Variants in PDE10A observed in about 807,000 individuals in gnomAD.
PDE10A encodes phosphodiesterase 10A.
Under a neutral mutation model 97.7 loss-of-function variants are expected in PDE10A, and 39 were observed. The observed-to-expected ratio is 0.40, with a 90% CI of 0.31 to 0.52. The LOEUF (loss-of-function observed/expected upper bound fraction) is 0.52, where lower values mean the gene tolerates loss of function less well. PDE10A is among the 20% of genes least tolerant of loss of function. The pLI, the probability that PDE10A is intolerant of heterozygous loss-of-function variation, is 0.56. For synonymous variants in PDE10A, 371 were observed against 376.8 expected, an observed-to-expected ratio of 0.98 and a Z score of 0.18; for missense variants, 731 against 1,047.8, an observed-to-expected ratio of 0.70 and a Z score of 4.17.
intron 1 of PDE10A, among the ~76,000 whole-genome samples, chr6:165,761,937 A>G (rs1437292255): frequency 6.6e-6 from 1 of 152,242 alleles, no homozygotes; most frequent in Non-Finnish European, 1.5e-5. Flanking sequence ...CTATTGTCCC[A>G]TAGAACTGAT....
At chr6:165,462,375 G>C (rs957797734) in intron 3 of PDE10A, among the ~76,000 whole-genome samples, 1 of 152,164 alleles carries the variant, frequency 6.6e-6, no homozygotes, top group African/African-American at 2.4e-5. Flanking sequence ...ACAGAAACCA[G>C]ATGCAAAGAC....
At chr6:165,404,121 T>A (rs1352785643) in intron 13 of PDE10A, among the ~76,000 whole-genome samples, 1 of 152,146 alleles carries the variant, frequency 6.6e-6, no homozygotes, top group African/African-American at 2.4e-5. Context: ...GATACCTCAG[T>A]CACACCGATA....
chr6:165,658,497 G>T (rs1269782246), intron 1 of PDE10A, among the ~76,000 whole-genome samples: 1 of 152,144 alleles, frequency 6.6e-6, no homozygotes, highest in South Asian at 2.1e-4. Context: ...ACAGAGAGAG[G>T]TGCGGGCGTA....
chr6:165,725,520 G>A (rs1032243087), intron 1 of PDE10A, among the ~76,000 whole-genome samples: 3 of 152,192 alleles, frequency 2.0e-5, no homozygotes, highest in African/African-American at 7.2e-5. Flanking sequence ...GGGGGATAAG[G>A]GAACTTTTCC....
intron 1 of PDE10A, among the ~76,000 whole-genome samples, chr6:165,555,045 G>T (rs1488241238): frequency 6.6e-6 from 1 of 152,132 alleles, no homozygotes; most frequent in Admixed American, 6.5e-5. Flanking sequence ...GGGCTAGGAG[G>T]AGGTAGGAAT....
At chr6:165,811,977 C>T (rs924806589) in intron 1 of PDE10A, among the ~76,000 whole-genome samples, 2 of 152,096 alleles carry the variant, frequency 1.3e-5, no homozygotes, top group African/African-American at 2.4e-5. Context: ...CCTAGCCTCC[C>T]GAGTAGCTGG....
chr6:165,427,886 C>T (rs1221669136), intron 10 of PDE10A, among the ~76,000 whole-genome samples: 4 of 151,994 alleles, frequency 2.6e-5, no homozygotes, highest in Non-Finnish European at 5.9e-5. Context: ...TAACTTATCA[C>T]ATAAAGAATG....
chr6:165,663,066 C>T lies in PDE10A; in HGVS notation c.-255G>A, dbSNP rs1435548480. On this transcript the variant is annotated 5_prime_UTR_variant, in exon 1 of 22. Transcript: ENST00000539869. ...CTGGCTACCCTCAGGCGCGCACAAT[C>T]GGCGTCCTCCCGGGCCGGGGCTAGG... Among the ~76,000 whole-genome samples the T allele has an allele frequency of 6.6e-6, 1 of 151,140 alleles. No homozygotes were observed. Among genetic ancestry groups the T allele is most frequent in the African/African-American group, 2.4e-5 (1 of 41,188 alleles).
At chr6:165,634,513 A>G (rs559161413) in intron 1 of PDE10A, among the ~76,000 whole-genome samples, 1 of 152,348 alleles carries the variant, frequency 6.6e-6, no homozygotes, top group Non-Finnish European at 1.5e-5. Flanking sequence ...AACATTTAAG[A>G]AAGTTTTCAA....
At chr6:165,987,095 C>T (rs1198608006) in intron 1 of PDE10A, among the ~76,000 whole-genome samples, 2 of 152,070 alleles carry the variant, frequency 1.3e-5, no homozygotes, top group African/African-American at 4.8e-5. Context: ...GTGCACACAC[C>T]ATCCCTTCTC....
In PDE10A at chr6:165,886,168, G is replaced by A. The variant is rs560329589; in HGVS notation, c.-615+101361C>T. On this transcript the variant is annotated intron_variant, in intron 1 of 19. Coordinates refer to the PDE10A transcript ENST00000366882. The stretch of plus-strand genomic sequence containing the variant: ...TATGGGCATAGCTGAATTTATTAGG[G>A]ATGTTATAGGTGGAATGTGGATTCC... Among the ~76,000 whole-genome samples the A allele has an allele frequency of 5.9e-5, 9 of 152,292 alleles. 1 individual carries two copies. In the South Asian group the frequency reaches 1.5e-3, roughly 25 times the overall value.
chr6:165,692,519 G>A (rs1013630168), intron 1 of PDE10A, among the ~76,000 whole-genome samples: 1 of 152,146 alleles, frequency 6.6e-6, no homozygotes, highest in African/African-American at 2.4e-5. Flanking sequence ...TGTCCACATT[G>A]GGCCCATTTT....
chr6:165,823,182 C>G (rs1045440629), intron 1 of PDE10A, among the ~76,000 whole-genome samples: 1 of 151,866 alleles, frequency 6.6e-6, no homozygotes, highest in African/African-American at 2.4e-5. Flanking sequence ...GGTCCAAACA[C>G]TTAGCTTAAA....
In PDE10A at chr6:165,709,412, T is replaced by C. The variant is rs1162579622; in HGVS notation, c.-614-165844A>G. Among the ~76,000 whole-genome samples, 8 of 92,276 alleles carry C rather than the reference T, an allele frequency of 8.7e-5. No homozygotes were observed. The East Asian group carries it at 1.7e-3, about 20-fold the overall frequency. The allele number at this position is 92,276 out of a possible 152,430, so 60.5% of individuals were successfully genotyped here. A position where few individuals can be genotyped will look rare whatever the true frequency, so the allele number is the denominator to read the frequency against. ...CACCATGCTGCCGCGCTCCCTCCAC[T>C]CTCCACCCCCATGTTGTCATGCTCC... On this transcript the variant is annotated intron_variant, in intron 1 of 19. Transcript: ENST00000366882.
At chr6:165,735,300 T>G (rs1212918313) in intron 1 of PDE10A, among the ~76,000 whole-genome samples, 2 of 148,806 alleles carry the variant, frequency 1.3e-5, no homozygotes, top group Admixed American at 6.6e-5. Context: ...GTAGGTAGGT[T>G]GGTAGATAGA....
intron 4 of PDE10A, 96 bp from the exon 5 acceptor site, chr6:165,449,073 A>G (rs1791083140): frequency 1.2e-6 from 1 of 843,510 alleles, no homozygotes; most frequent in Non-Finnish European, 2.0e-6. Context: ...GAGTCTTTCA[A>G]ATTGATTTGT....
Position 165,875,454 on chromosome 6 carries a change from G to A in PDE10A, c.-615+112075C>T, listed in dbSNP as rs539208280. 5.3e-5 allele frequency among the ~76,000 whole-genome samples: 8 copies of A among 152,266 alleles called. No homozygotes were observed. The South Asian group carries it at 1.5e-3, about 28-fold the overall frequency. On this transcript the variant is annotated intron_variant, in intron 1 of 19. Transcript: ENST00000366882. ...CTTTACGCAGGGGCATTTAATAGTCGTTACAGATATTTTAAGCACTTCAGA... is the reference window on the plus strand; with the variant it reads ...CTTTACGCAGGGGCATTTAATAGTCATTACAGATATTTTAAGCACTTCAGA...
chr6:165,384,609 C>T (rs1026867241), intron 17 of PDE10A, among the ~76,000 whole-genome samples: 6 of 141,962 alleles, frequency 4.2e-5, no homozygotes, highest in African/African-American at 1.7e-4. Context: ...CCATGAGTAA[C>T]GTGTGTGTGT....
At chr6:165,949,936 C>T (rs915838053) in intron 1 of PDE10A, 2 of 152,188 alleles carry the variant, frequency 1.3e-5, no homozygotes, top group East Asian at 1.9e-4. Flanking sequence ...ATGAGAAAAT[C>T]AAAAACTAAA....
Sources: gnomAD v4.1 joint callset for allele counts (sites outside exome capture counted in the v4.1 genomes callset) on GRCh38, gnomAD v4.1.1 for gene constraint, MANE v1.5 for transcripts, NCBI Gene and HGNC (gene_info 2026-07-23, HGNC 2026-07-21) for gene names.